The following RNGTT variants were observed in gnomAD, a reference collection of about 807,000 sequenced individuals.
RNGTT encodes RNA guanylyltransferase and 5'-phosphatase.
In RNGTT, 33 loss-of-function variants were observed where a neutral mutation model predicts 79.3. The ratio of observed to expected loss-of-function variants is 0.42; its 90% CI spans 0.32 to 0.56. The LOEUF is 0.56. RNGTT is among the 20% of genes least tolerant of loss of function. The probability of loss-of-function intolerance (pLI) is 0.17; values close to 1 mark genes in which losing one functional copy is unlikely to be tolerated. For synonymous variants in RNGTT, 222 were observed against 235.9 expected, an observed-to-expected ratio of 0.94 and a Z score of 0.54; for missense variants, 497 against 739.1, an observed-to-expected ratio of 0.67 and a Z score of 3.80.
chr6:88,680,030 T>C (rs1461859409), intron 13 of RNGTT, among the ~76,000 whole-genome samples: 1 of 152,180 alleles, frequency 6.6e-6, no homozygotes, highest in African/African-American at 2.4e-5. Flanking sequence ...TTCCATTGCA[T>C]GAATCTGAGA....
At chr6:88,918,764 C>A (rs1337392824) in intron 4 of RNGTT, among the ~76,000 whole-genome samples, 1 of 152,118 alleles carries the variant, frequency 6.6e-6, no homozygotes, top group Non-Finnish European at 1.5e-5. Context: ...TTTTTGTATT[C>A]ATGTATCTTA....
In RNGTT at chr6:88,771,183, T is replaced by C. The variant is rs961439170; in HGVS notation, c.1339-1309A>G. Among the ~76,000 whole-genome samples the C allele has an allele frequency of 2.6e-5, 4 of 151,254 alleles. No individual in the cohort carries two copies. The East Asian group carries it at 7.7e-4, about 29-fold the overall frequency. Reference sequence around the variant, plus strand: ...TTTAAGGAATATTTTCCTAAAGTCATTACAATTTTCTACTATGTTTTCTTA... The same window carrying C: ...TTTAAGGAATATTTTCCTAAAGTCACTACAATTTTCTACTATGTTTTCTTA... On this transcript the variant is annotated intron_variant, in intron 12 of 15. Transcript: ENST00000369485.
At chr6:88,929,523 C>A (rs1784419575) in intron 2 of RNGTT, among the ~76,000 whole-genome samples, 1 of 152,126 alleles carries the variant, frequency 6.6e-6, no homozygotes, top group African/African-American at 2.4e-5. Flanking sequence ...AAAACAAATT[C>A]TACTGCCAAC....
At chr6:88,901,215 T>C (rs1783444395) in intron 6 of RNGTT, among the ~76,000 whole-genome samples, 1 of 150,788 alleles carries the variant, frequency 6.6e-6, no homozygotes, top group East Asian at 1.9e-4. Context: ...AAAGAACAAA[T>C]AGATCTGAAA....
At chr6:88,745,844 A>C (rs1777643306) in intron 13 of RNGTT, among the ~76,000 whole-genome samples, 1 of 151,922 alleles carries the variant, frequency 6.6e-6, no homozygotes. Flanking sequence ...ATATACTTCA[A>C]ATATAACTGT....
At chr6:88,899,311 G>A (rs1783366410) in intron 6 of RNGTT, among the ~76,000 whole-genome samples, 1 of 151,422 alleles carries the variant, frequency 6.6e-6, no homozygotes, top group African/African-American at 2.4e-5. Flanking sequence ...CACCTAGGTT[G>A]AAGTGCAGGT....
intron 14 of RNGTT, among the ~76,000 whole-genome samples, chr6:88,629,593 T>C (rs1019556771): frequency 2.0e-5 from 3 of 152,046 alleles, no homozygotes; most frequent in African/African-American, 7.2e-5. Flanking sequence ...TGTGTTCTAG[T>C]GGGAATAAAG....
chr6:88,632,594 A>T (rs1192976825), intron 14 of RNGTT, among the ~76,000 whole-genome samples: 1 of 151,212 alleles, frequency 6.6e-6, no homozygotes, highest in African/African-American at 2.4e-5. Flanking sequence ...CATTTCATAA[A>T]GCAATTTATT....
chr6:88,826,749 C>T (rs186681436), intron 11 of RNGTT, among the ~76,000 whole-genome samples: 4 of 148,376 alleles, frequency 2.7e-5, no homozygotes, highest in Non-Finnish European at 5.9e-5. Context: ...CACCATTCCA[C>T]TCCAGCCTGG....
intron 14 of RNGTT, among the ~76,000 whole-genome samples, chr6:88,674,918 G>A (rs1454638435): frequency 2.0e-5 from 3 of 151,764 alleles, no homozygotes; most frequent in Admixed American, 6.6e-5. Flanking sequence ...CCAACATGGC[G>A]AAACCACAGC....
intron 4 of RNGTT, among the ~76,000 whole-genome samples, chr6:88,917,866 G>A (rs1043550490): frequency 8.5e-5 from 13 of 152,270 alleles, no homozygotes; most frequent in Middle Eastern, 3.4e-3. Flanking sequence ...TAGCCTGGGC[G>A]ACAGAGCGAG....
chr6:88,624,657 A>G (rs1204868681), intron 14 of RNGTT, among the ~76,000 whole-genome samples: 5 of 151,918 alleles, frequency 3.3e-5, no homozygotes. Context: ...AATCTTTGTG[A>G]CCTAGGGTTA....
At chr6:88,705,936 T>A (rs543091327) in intron 13 of RNGTT, among the ~76,000 whole-genome samples, 1 of 146,972 alleles carries the variant, frequency 6.8e-6, no homozygotes, top group Non-Finnish European at 1.5e-5. Flanking sequence ...GTGTCAGGAG[T>A]CTAATGTGAT....
At chr6:88,706,546 T>G (rs1372783428) in intron 13 of RNGTT, among the ~76,000 whole-genome samples, 1 of 151,992 alleles carries the variant, frequency 6.6e-6, no homozygotes. Flanking sequence ...TTTAAAGGGT[T>G]CCAAGCAGCA....
chr6:88,838,225 C>T (rs1781146876), intron 11 of RNGTT, among the ~76,000 whole-genome samples: 1 of 152,140 alleles, frequency 6.6e-6, no homozygotes, highest in Non-Finnish European at 1.5e-5. Context: ...GCTGTTCACT[C>T]TCACTGCTTC....
At chr6:88,716,082 A>C (rs1776500665) in intron 13 of RNGTT, among the ~76,000 whole-genome samples, 1 of 151,870 alleles carries the variant, frequency 6.6e-6, no homozygotes. Context: ...CAAAGGGCTA[A>C]TATCCAGAAT....
intron 14 of RNGTT, among the ~76,000 whole-genome samples, chr6:88,651,752 C>CG (rs34693837): frequency 0.27 from 40,481 of 151,668 alleles, 9,481 homozygotes; most frequent in African/African-American, 0.63. Flanking sequence ...TTCTTGCCCC[C>CG]CCAAATTTTT....
chr6:88,844,440 T>C lies in RNGTT; in HGVS notation c.1186A>G (p.Met396Val), dbSNP rs767597100. Reference protein sequence around the residue: ...REIISPRHEKMKTGLIDKTQE... With the variant: ...REIISPRHEKVKTGLIDKTQE... ...GTTTTGTCAATGAGCCCAGTCTTCA[T>C]TTTTTCGTGTCGAGGACTTATAATT... is the stretch of plus-strand genomic sequence containing the variant. Residue 396 changes from methionine (M) to valine (V), a missense_variant, in exon 11 of 16, where the codon ATG becomes GTG. This residue lies in a region of RNGTT where 440 missense variants were observed against 671.5 expected (regional missense o/e 0.66). Transcript: ENST00000369485. 1.9e-6 allele frequency: 3 copies of C among 1,613,896 alleles called. No individual in the cohort carries two copies. Among genetic ancestry groups the C allele is most frequent in the East Asian group, 2.2e-5 (1 of 44,886 alleles).
At chr6:88,714,926 C>T (rs1312145049) in intron 13 of RNGTT, among the ~76,000 whole-genome samples, 1 of 152,136 alleles carries the variant, frequency 6.6e-6, no homozygotes, top group African/African-American at 2.4e-5. Context: ...TGCCCTCTCT[C>T]ACCACTCCTA....
Sources: gnomAD v4.1 joint callset for allele counts (sites outside exome capture counted in the v4.1 genomes callset) on GRCh38, gnomAD v4.1.1 for gene constraint, gnomAD v4.1.1 regional missense constraint, MANE v1.5 for transcripts, NCBI Gene and HGNC (gene_info 2026-07-23, HGNC 2026-07-21) for gene names.